Variants in PAFAH1B1 observed in about 807,000 individuals in gnomAD.
The protein encoded by PAFAH1B1 is platelet activating factor acetylhydrolase 1b regulatory subunit 1, also known as platelet-activating factor acetylhydrolase IB subunit beta.
Under a neutral mutation model 57.5 loss-of-function variants are expected in PAFAH1B1, and 2 were observed. That is an observed-to-expected ratio of 0.03 (90% CI 0.01 to 0.11). The LOEUF is 0.11. Ranked by LOEUF, PAFAH1B1 falls within the 10% of genes least tolerant of loss-of-function variation. The pLI is 1.00. For missense variants in PAFAH1B1, 257 were observed against 512.0 expected, an observed-to-expected ratio of 0.50 and a Z score of 4.81; for synonymous variants, 152 against 169.6, an observed-to-expected ratio of 0.90 and a Z score of 0.81.
At chr17:2,594,788 G>A (rs1434469941) in intron 1 of PAFAH1B1, among the ~76,000 whole-genome samples, 1 of 152,172 alleles carries the variant, frequency 6.6e-6, no homozygotes, top group Non-Finnish European at 1.5e-5. Flanking sequence ...ATTCCCCTTC[G>A]TCTAATCTCA....
At position 2,646,877 on chromosome 17, in the gene PAFAH1B1, C is replaced by T. The variant is rs372459336; in HGVS notation, c.32+8557C>T. Among the ~76,000 whole-genome samples, 35 of 152,068 alleles carry T rather than the reference C, an allele frequency of 2.3e-4. No individual in the cohort carries two copies. The East Asian group carries it at 2.7e-3, about 12-fold the overall frequency. ...GCTTCCCAGATTACATTGCTTTTTCCGGGACATAAAGGTAGTAAATTTAGG... is the reference window on the plus strand; with the variant it reads ...GCTTCCCAGATTACATTGCTTTTTCTGGGACATAAAGGTAGTAAATTTAGG... On this transcript the variant is annotated intron_variant, in intron 2 of 10. Transcript: ENST00000397195.
At chr17:2,624,745 G>C (rs2068466944) in intron 1 of PAFAH1B1, among the ~76,000 whole-genome samples, 1 of 152,146 alleles carries the variant, frequency 6.6e-6, no homozygotes, top group Admixed American at 6.5e-5. Context: ...GTTTCTCTGT[G>C]TTGCCCAGGC....
intron 1 of PAFAH1B1, among the ~76,000 whole-genome samples, chr17:2,606,774 G>A (rs1313658080): frequency 7.0e-6 from 1 of 143,252 alleles, no homozygotes; most frequent in Non-Finnish European, 1.5e-5. Context: ...TACCAGAATT[G>A]ACAGATGTTA....
chr17:2,675,140 C>G (rs1026014536), intron 8 of PAFAH1B1, among the ~76,000 whole-genome samples: 2 of 152,072 alleles, frequency 1.3e-5, no homozygotes, highest in South Asian at 2.1e-4. Flanking sequence ...TAGCTGGGAC[C>G]ACGGATGCAT....
intron 2 of PAFAH1B1, among the ~76,000 whole-genome samples, chr17:2,644,254 G>C (rs181327571): frequency 6.9e-4 from 104 of 151,410 alleles, no homozygotes; most frequent in African/African-American, 2.4e-3. Context: ...TTTTAAAACA[G>C]TTGTAGGCTG....
chr17:2,638,768 A>G (rs1022669342), intron 2 of PAFAH1B1: 2 of 181,728 alleles, frequency 1.1e-5, no homozygotes, highest in Admixed American at 5.5e-5. Flanking sequence ...TCGGCCTCCC[A>G]AAGTGCTGGG....
At chr17:2,631,477 T>G (rs2068554334) in intron 1 of PAFAH1B1, among the ~76,000 whole-genome samples, 1 of 152,134 alleles carries the variant, frequency 6.6e-6, no homozygotes, top group Admixed American at 6.6e-5. Flanking sequence ...CTGTCCACCC[T>G]CCCTGTGGTG....
Position 2,682,082 on chromosome 17 carries a change from T to C in PAFAH1B1, c.*280T>C. On this transcript the variant is annotated 3_prime_UTR_variant, in exon 11 of 11. Coordinates refer to ENST00000397195, the MANE Select transcript of PAFAH1B1 (RefSeq NM_000430.4). ...CCTAAGAAGGCAGAAGTTGAATCAATTGAACTAGGGCACTAAACTGAATAG... is the reference window on the plus strand; with the variant it reads ...CCTAAGAAGGCAGAAGTTGAATCAACTGAACTAGGGCACTAAACTGAATAG... 2.8e-6 allele frequency: 1 copy of C among 361,198 alleles called. No homozygotes were observed. Among genetic ancestry groups the C allele is most frequent in the Non-Finnish European group, 5.0e-6 (1 of 198,142 alleles). The allele number at this position is 361,198 out of a possible 1,614,324, so 22.4% of individuals were successfully genotyped here.
intron 1 of PAFAH1B1, among the ~76,000 whole-genome samples, chr17:2,594,657 C>T (rs1025642528): frequency 2.6e-5 from 4 of 152,170 alleles, no homozygotes; most frequent in African/African-American, 9.6e-5. Flanking sequence ...GGCAGCCCGG[C>T]CCACCGAGCA....
intron 2 of PAFAH1B1, among the ~76,000 whole-genome samples, chr17:2,649,830 A>G (rs2068824522): frequency 2.0e-5 from 3 of 152,236 alleles, no homozygotes; most frequent in East Asian, 1.9e-4. Context: ...TATCAGATAT[A>G]CAAATATTAT....
chr17:2,620,584 C>T (rs113806061), intron 1 of PAFAH1B1, among the ~76,000 whole-genome samples: 2,043 of 152,208 alleles, frequency 0.013, 44 homozygotes, highest in African/African-American at 0.047. Context: ...AGTAGCGTGG[C>T]CGGGCGCCGT....
intron 1 of PAFAH1B1, among the ~76,000 whole-genome samples, chr17:2,594,767 G>A (rs971915703): frequency 4.6e-5 from 7 of 152,210 alleles, no homozygotes. Context: ...TCAGCTTCGA[G>A]GCTCCCTGCC....
At chr17:2,652,334 G>C (rs2068870157) in intron 2 of PAFAH1B1, among the ~76,000 whole-genome samples, 1 of 152,192 alleles carries the variant, frequency 6.6e-6, no homozygotes, top group Non-Finnish European at 1.5e-5. Flanking sequence ...AGAATGGCGT[G>C]AACCCGGGAG....
intron 2 of PAFAH1B1, among the ~76,000 whole-genome samples, chr17:2,647,155 A>G (rs2068779895): frequency 6.6e-6 from 1 of 151,976 alleles, no homozygotes; most frequent in African/African-American, 2.4e-5. Context: ...TTCAAGGCCA[A>G]CCTGGCCAAC....
Position 2,670,179 on chromosome 17 carries a change from C to G in PAFAH1B1, c.416C>G (p.Thr139Ser). 1.2e-6 allele frequency: 2 copies of G among 1,614,064 alleles called. No individual in the cohort carries two copies. The highest frequency in any genetic ancestry group is 1.7e-6 in the Non-Finnish European group (2 of 1,179,962). Residue 139 changes from threonine to serine, a missense_variant, in exon 6 of 11, where the codon ACT becomes AGT. Thr to Ser is a moderately conservative substitution (Grantham distance 58). Coordinates refer to ENST00000397195, the MANE Select transcript of PAFAH1B1 (RefSeq NM_000430.4). ...DATIKVWDYE[T>S]GDFERTLKGH... The stretch of plus-strand genomic sequence containing the variant: ...ACTTGACAGGTGTGGGATTATGAGA[C>G]TGGAGATTTTGAACGAACTCTTAAA...
intron 2 of PAFAH1B1, chr17:2,641,789 C>T (rs1308906980): frequency 6.6e-6 from 1 of 152,126 alleles, no homozygotes; most frequent in Non-Finnish European, 1.5e-5. Flanking sequence ...ACTGGGATGT[C>T]TTTGTTTCTG....
At chr17:2,671,528 T>C (rs774360614) in intron 6 of PAFAH1B1, among the ~76,000 whole-genome samples, 2 of 151,148 alleles carry the variant, frequency 1.3e-5, no homozygotes, top group Non-Finnish European at 2.9e-5. Context: ...AAGTTGCCTG[T>C]ATCTTCTAGC....
At chr17:2,678,564 T>G (rs370338953) in intron 9 of PAFAH1B1, among the ~76,000 whole-genome samples, 2 of 151,072 alleles carry the variant, frequency 1.3e-5, no homozygotes, top group African/African-American at 4.9e-5. Context: ...AGACTCTGTC[T>G]CCAGGAAAAA....
intron 7 of PAFAH1B1, among the ~76,000 whole-genome samples, chr17:2,673,495 C>T (rs911126401): frequency 1.3e-5 from 2 of 151,970 alleles, no homozygotes; most frequent in Admixed American, 6.6e-5. Context: ...AAAAATTAGC[C>T]GGGCGTGGTG....
Sources: gnomAD v4.1 joint callset for allele counts (sites outside exome capture counted in the v4.1 genomes callset) on GRCh38, gnomAD v4.1.1 for gene constraint, MANE v1.5 for transcripts, NCBI Gene and HGNC (gene_info 2026-07-23, HGNC 2026-07-21) for gene names.